NRXN1: variants seen among roughly 807,000 people sequenced by gnomAD.
NRXN1 encodes the protein neurexin 1, also known as neurexin-1.
In NRXN1, 39 loss-of-function variants were observed where a neutral mutation model predicts 150.9. That is an observed-to-expected ratio of 0.26 (90% CI 0.20 to 0.34). NRXN1 has a LOEUF of 0.34. Ranked by LOEUF, NRXN1 falls within the 10% of genes least tolerant of loss-of-function variation. NRXN1 has a pLI of 1.00. For missense variants in NRXN1, 1,815 were observed against 1,949.9 expected (o/e 0.93, Z 1.30); for synonymous variants, 924 against 757.0 (o/e 1.22, Z -3.62).
chr2:50,781,567 C>T (rs538379327), intron 5 of NRXN1, among the ~76,000 whole-genome samples: 2 of 152,304 alleles, frequency 1.3e-5, no homozygotes, highest in South Asian at 2.1e-4. Context: ...CCTGTGAAAC[C>T]TCACGACAAC....
intron 17 of NRXN1, among the ~76,000 whole-genome samples, chr2:50,296,075 C>A (rs937647080): frequency 6.6e-6 from 1 of 152,300 alleles, no homozygotes; most frequent in East Asian, 1.9e-4. Context: ...GTGGGCACGG[C>A]ATTTCTAGGC....
intron 18 of NRXN1, among the ~76,000 whole-genome samples, chr2:50,110,647 TAG>T (rs1192287407): frequency 4.6e-5 from 7 of 152,162 alleles, no homozygotes; most frequent in African/African-American, 7.2e-5. Flanking sequence ...TAATAAGTCC[TAG>T]ACAATAAAAA....
chr2:50,773,834 A>T (rs1703291942), intron 5 of NRXN1, among the ~76,000 whole-genome samples: 2 of 152,102 alleles, frequency 1.3e-5, no homozygotes, highest in African/African-American at 4.8e-5. Flanking sequence ...GCTGGGTCAC[A>T]CAGCTGGAAT....
intron 18 of NRXN1, among the ~76,000 whole-genome samples, chr2:50,098,727 G>C (rs1375850471): frequency 6.6e-6 from 1 of 151,734 alleles, no homozygotes; most frequent in Non-Finnish European, 1.5e-5. Flanking sequence ...AATAATGTCA[G>C]TTGTGTCAGT....
chr2:50,578,177 T>C (rs1671723143), intron 8 of NRXN1, among the ~76,000 whole-genome samples: 1 of 152,204 alleles, frequency 6.6e-6, no homozygotes. Flanking sequence ...CTCTAGACTT[T>C]CTTGTGCTTT....
chr2:50,872,658 C>T (rs1363849611), intron 5 of NRXN1, among the ~76,000 whole-genome samples: 1 of 151,534 alleles, frequency 6.6e-6, no homozygotes, highest in Non-Finnish European at 1.5e-5. Flanking sequence ...GTTTGTTACA[C>T]CTGAAAATCT....
rs1027374206 is a variant in NRXN1, at chr2:50,881,774, G to A, written c.832+40095C>T. Among the ~76,000 whole-genome samples, 10 of 151,846 alleles carry A rather than the reference G, an allele frequency of 6.6e-5. No homozygotes were observed. In the East Asian group the frequency reaches 1.8e-3, roughly 27 times the overall value. The stretch of plus-strand genomic sequence containing the variant: ...AAATTGTATATAATTAAGAATACAT[G>A]AAATTTACATTAGAGGGTAATGCCT... On this transcript the variant is annotated intron_variant, in intron 5 of 22. Transcript: ENST00000401669.
chr2:50,779,659 T>C (rs1214539321), intron 5 of NRXN1, among the ~76,000 whole-genome samples: 4 of 151,972 alleles, frequency 2.6e-5, no homozygotes, highest in Non-Finnish European at 5.9e-5. Flanking sequence ...TCCCAGCTAC[T>C]TGGGAGGCTG....
chr2:50,578,476 T>C (rs1671765830), intron 8 of NRXN1, among the ~76,000 whole-genome samples: 1 of 152,186 alleles, frequency 6.6e-6, no homozygotes. Context: ...TCCTGTGTGA[T>C]CATTACTCAC....
intron 17 of NRXN1, among the ~76,000 whole-genome samples, chr2:50,250,435 AT>A (rs61220479): frequency 0.033 from 4,985 of 149,524 alleles, 125 homozygotes; most frequent in African/African-American, 0.054. Context: ...ACTTTTTAAT[AT>A]TTTTTTTTTT....
At chr2:50,517,802 G>T (rs76054655) in intron 12 of NRXN1, among the ~76,000 whole-genome samples, 4,890 of 152,218 alleles carry the variant, frequency 0.032, 98 homozygotes, top group Non-Finnish European at 0.05. Flanking sequence ...CACAGATCTT[G>T]TCCTCAAGTG....
intron 15 of NRXN1, among the ~76,000 whole-genome samples, chr2:50,493,839 G>A (rs1464867610): frequency 6.6e-6 from 1 of 151,906 alleles, no homozygotes; most frequent in Non-Finnish European, 1.5e-5. Flanking sequence ...TTTTAATTGT[G>A]CTTTTTAAAA....
At chr2:50,134,454 C>T (rs762795340) in intron 18 of NRXN1, among the ~76,000 whole-genome samples, 13 of 151,974 alleles carry the variant, frequency 8.6e-5, no homozygotes, top group African/African-American at 1.4e-4. Context: ...CAATGGGTCC[C>T]GAGGCATAAA....
chr2:50,948,211 G>T (rs1690719241), intron 2 of NRXN1, among the ~76,000 whole-genome samples: 1 of 151,936 alleles, frequency 6.6e-6, no homozygotes, highest in Non-Finnish European at 1.5e-5. Context: ...TCAATGAACA[G>T]AATTATTAAC....
chr2:50,175,826 G>C (rs1434995628), intron 18 of NRXN1, among the ~76,000 whole-genome samples: 1 of 152,076 alleles, frequency 6.6e-6, no homozygotes, highest in Non-Finnish European at 1.5e-5. Flanking sequence ...CCCTTTCTGA[G>C]CTTCCTTTCA....
At chr2:50,106,917 T>C (rs1701720841) in intron 18 of NRXN1, among the ~76,000 whole-genome samples, 1 of 151,996 alleles carries the variant, frequency 6.6e-6, no homozygotes, top group African/African-American at 2.4e-5. Context: ...GCTAAGCCAT[T>C]TCAATGCTTT....
At chr2:50,254,845 C>A (rs1011578541) in intron 17 of NRXN1, among the ~76,000 whole-genome samples, 8 of 152,040 alleles carry the variant, frequency 5.3e-5, no homozygotes, top group African/African-American at 1.7e-4. Flanking sequence ...GCTGCTCTGT[C>A]ACCCATGCTT....
In NRXN1 at chr2:50,553,011, A is replaced by G; in HGVS notation, c.1335T>C (p.Asn445=). Residue 445 remains asparagine (N), a synonymous_variant, in exon 9 of 23, where the codon AAT becomes AAC. Coordinates refer to ENST00000401669, the MANE Select transcript of NRXN1 (RefSeq NM_001330078.2). The stretch of plus-strand genomic sequence containing the variant: ...GAGATAATTCCAGCCTCACATCATT[A>G]TTTTTATATACAACCTGTGGGCAGA... ...MGCLKEVVYK[N]NDVRLELSRL... 1.9e-6 allele frequency: 3 copies of G among 1,608,218 alleles called. No individual in the cohort carries two copies. Among genetic ancestry groups the G allele is most frequent in the Non-Finnish European group, 2.5e-6 (3 of 1,177,220 alleles).
At chr2:50,147,891 A>G (rs973579929) in intron 18 of NRXN1, among the ~76,000 whole-genome samples, 3 of 151,722 alleles carry the variant, frequency 2.0e-5, no homozygotes, top group African/African-American at 4.8e-5. Context: ...CATGTAGCCT[A>G]TGCATGTAGC....
Sources: allele counts gnomAD v4.1 joint callset (sites outside exome capture counted in the v4.1 genomes callset), GRCh38; gene constraint gnomAD v4.1.1; transcripts MANE v1.5; gene names NCBI Gene and HGNC (gene_info 2026-07-23, HGNC 2026-07-21).